Variants in FAM114A2 observed in about 807,000 individuals in gnomAD.
The protein encoded by FAM114A2 is protein FAM114A2.
In FAM114A2, 53 loss-of-function variants were observed where a neutral mutation model predicts 58.4. That is an observed-to-expected ratio of 0.91 (90% confidence interval 0.73 to 1.14). The LOEUF is 1.14. FAM114A2 is among the 50% of genes most tolerant of loss of function. The probability of loss-of-function intolerance (pLI) is 0.00; values close to 1 mark genes in which losing one functional copy is unlikely to be tolerated. For missense variants in FAM114A2, 601 were observed against 581.1 expected (o/e 1.03, Z -0.35); for synonymous variants, 228 against 211.4 (o/e 1.08, Z -0.68).
At chr5:154,030,313 T>G (rs1467162853) in intron 4 of FAM114A2, among the ~76,000 whole-genome samples, 1 of 152,190 alleles carries the variant, frequency 6.6e-6, no homozygotes. Flanking sequence ...AAATTTCACA[T>G]AGGAGAACAA....
chr5:154,013,500 G>T (rs1051572780), intron 8 of FAM114A2, among the ~76,000 whole-genome samples: 1 of 152,196 alleles, frequency 6.6e-6, no homozygotes, highest in Non-Finnish European at 1.5e-5. Flanking sequence ...AGTGAGTGGT[G>T]GGGGGAATCC....
At chr5:154,013,596 T>C (rs1411568005) in intron 8 of FAM114A2, among the ~76,000 whole-genome samples, 2 of 152,192 alleles carry the variant, frequency 1.3e-5, no homozygotes, top group African/African-American at 4.8e-5. Context: ...TTTAGAAAAC[T>C]ACTTGGAGTT....
chr5:154,022,383 C>T (rs1004118334), intron 8 of FAM114A2, among the ~76,000 whole-genome samples: 8 of 152,074 alleles, frequency 5.3e-5, no homozygotes, highest in Admixed American at 2.6e-4. Context: ...TGCAATCTAC[C>T]CATCTGACAA....
Position 154,011,306 on chromosome 5 carries a change from T to TA in FAM114A2, c.927dup (p.Thr310TyrfsTer43). ...GAAAACAGCTCTGTTATGTCCTTGG[T>TA]AAAATCTTCATCCCCTAAAAAACCA... On this transcript the variant is annotated frameshift_variant, in exon 9 of 14. Transcript: ENST00000351797. LOFTEE classifies it high-confidence loss of function. 1 of 1,612,250 alleles carries TA rather than the reference T, an allele frequency of 6.2e-7. No homozygotes were observed. Among genetic ancestry groups the TA allele is most frequent in the Non-Finnish European group, 8.5e-7 (1 of 1,179,056 alleles).
chr5:154,010,608 T>C (rs1247451263), intron 9 of FAM114A2, among the ~76,000 whole-genome samples: 1 of 152,106 alleles, frequency 6.6e-6, no homozygotes, highest in Non-Finnish European at 1.5e-5. Context: ...GGTAAAGAGG[T>C]AGCAAGCAAT....
intron 8 of FAM114A2, among the ~76,000 whole-genome samples, chr5:154,015,612 A>G (rs578068978): frequency 6.6e-6 from 1 of 152,260 alleles, no homozygotes; most frequent in East Asian, 1.9e-4. Flanking sequence ...GGGACAAAAG[A>G]ATCTGAACAA....
intron 9 of FAM114A2, among the ~76,000 whole-genome samples, chr5:154,006,649 T>C (rs1186108096): frequency 6.6e-6 from 1 of 152,048 alleles, no homozygotes; most frequent in Non-Finnish European, 1.5e-5. Context: ...ACAAACAATA[T>C]GTTAAATTCT....
intron 9 of FAM114A2, among the ~76,000 whole-genome samples, chr5:154,006,074 C>T (rs1224034653): frequency 4.6e-5 from 7 of 152,192 alleles, no homozygotes; most frequent in Admixed American, 2.0e-4. Context: ...AAGCATTAAC[C>T]TCTCAAATTC....
chr5:154,028,509 C>T (rs1438332307), intron 5 of FAM114A2, among the ~76,000 whole-genome samples: 2 of 152,142 alleles, frequency 1.3e-5, no homozygotes, highest in South Asian at 2.1e-4. Flanking sequence ...CCAGAAATTC[C>T]ACTCATGGTT....
In FAM114A2 at chr5:153,991,683, T is replaced by G. The variant is rs551028946; in HGVS notation, c.*1293A>C. On this transcript the variant is annotated 3_prime_UTR_variant, in exon 14 of 14. Coordinates refer to ENST00000351797, the MANE Select transcript of FAM114A2 (RefSeq NM_018691.4). ...TTTATACTAATCTATGTTATGGCTT[T>G]GCTTTGCTATTTTTTTTTTTTTTTT... 53 of 149,068 alleles carry G rather than the reference T, an allele frequency of 3.6e-4. No individual in the cohort carries two copies. The highest frequency in any genetic ancestry group is 1.2e-3 in the African/African-American group (49 of 40,132). The allele number at this position is 149,068 out of a possible 1,614,324, so 9.2% of individuals were successfully genotyped here. A position where few individuals can be genotyped will look rare whatever the true frequency, so the allele number is the denominator to read the frequency against.
intron 9 of FAM114A2, among the ~76,000 whole-genome samples, chr5:154,003,266 C>T (rs1770125049): frequency 6.6e-6 from 1 of 151,502 alleles, no homozygotes; most frequent in African/African-American, 2.4e-5. Flanking sequence ...GCAACCTCTG[C>T]CTCCTGGGTC....
At chr5:154,009,353 A>G (rs988756506) in intron 9 of FAM114A2, among the ~76,000 whole-genome samples, 1 of 152,188 alleles carries the variant, frequency 6.6e-6, no homozygotes, top group Non-Finnish European at 1.5e-5. Context: ...CCAATGGGGG[A>G]AAAGCAGAAC....
At chr5:154,024,331 AGT>A in intron 8 of FAM114A2, among the ~76,000 whole-genome samples, 1 of 152,260 alleles carries the variant, frequency 6.6e-6, no homozygotes, top group Non-Finnish European at 1.5e-5. Flanking sequence ...GCTAAAACAA[AGT>A]GTTTATTAAT....
chr5:154,038,454 C>T (rs1048411337), intron 1 of FAM114A2: 1 of 152,124 alleles, frequency 6.6e-6, no homozygotes, highest in Non-Finnish European at 1.5e-5. Context: ...TTCAGTGACG[C>T]GATATGTGAG....
Position 154,028,195 on chromosome 5 carries a change from A to AATCCAGG in FAM114A2, c.577_583dup (p.Phe195SerfsTer4). The AATCCAGG allele has an allele frequency of 6.2e-7, 1 of 1,613,008 alleles. No homozygotes were observed. The highest frequency in any genetic ancestry group is 8.5e-7 in the Non-Finnish European group (1 of 1,179,202). ...GTTCATCAGACCCTTGGTTCTTTTAAATCCAGGATCCCCTTCTGCTATCAC... is the reference window on the plus strand; with the variant it reads ...GTTCATCAGACCCTTGGTTCTTTTAAATCCAGGATCCAGGATCCCCTTCTGCTATCAC... On this transcript the variant is annotated frameshift_variant, in exon 6 of 14. Transcript: ENST00000351797. LOFTEE classifies it high-confidence loss of function.
At position 154,026,390 on chromosome 5, in the gene FAM114A2, T is replaced by G. The variant is rs754823004; in HGVS notation, c.913+9A>C. On this transcript the variant is annotated intron_variant, in intron 8 of 13. Coordinates refer to ENST00000351797, the MANE Select transcript of FAM114A2 (RefSeq NM_018691.4). ...TCCTCTCCACTCAGATACTAAATTT[T>G]CATATTACCTTTTTTCTCTTCTTCC... 2 of 1,550,184 alleles carry G rather than the reference T, an allele frequency of 1.3e-6. No homozygotes were observed. The highest frequency in any genetic ancestry group is 4.8e-5 in the East Asian group (2 of 41,994).
intron 6 of FAM114A2, 145 bp downstream of exon 6, chr5:154,028,004 C>T: frequency 1.6e-6 from 1 of 627,342 alleles, no homozygotes; most frequent in Non-Finnish European, 2.7e-6. Flanking sequence ...AGCTCTCACC[C>T]ATCCCTGATC....
chr5:154,025,291 C>CTTTT (rs35038508), intron 8 of FAM114A2, among the ~76,000 whole-genome samples: 9 of 149,718 alleles, frequency 6.0e-5, no homozygotes, highest in Admixed American at 6.0e-4. Context: ...AAAACTGGCA[C>CTTTT]TTTTTTTTTT....
chr5:154,023,266 C>A (rs1275702969), intron 8 of FAM114A2, among the ~76,000 whole-genome samples: 1 of 151,846 alleles, frequency 6.6e-6, no homozygotes, highest in African/African-American at 2.4e-5. Context: ...GCACATGTAC[C>A]CTAAAACTTA....
Sources: allele counts gnomAD v4.1 joint callset (sites outside exome capture counted in the v4.1 genomes callset), GRCh38; gene constraint gnomAD v4.1.1; transcripts MANE v1.5; gene names NCBI Gene and HGNC (gene_info 2026-07-23, HGNC 2026-07-21).